The following ADAM9 variants were observed in gnomAD, a reference collection of about 807,000 sequenced individuals.
The protein encoded by ADAM9 is disintegrin and metalloproteinase domain-containing protein 9.
Under a neutral mutation model 108.1 loss-of-function variants are expected in ADAM9, and 54 were observed. The ratio of observed to expected loss-of-function variants is 0.50; its 90% CI spans 0.40 to 0.63. The LOEUF (loss-of-function observed/expected upper bound fraction) is 0.63. Ranked by LOEUF, ADAM9 falls within the 20% of genes least tolerant of loss-of-function variation. The pLI is 0.00. For synonymous variants in ADAM9, 316 were observed against 336.0 expected (o/e 0.94, Z 0.65); for missense variants, 830 against 997.7 (o/e 0.83, Z 2.26).
At chr8:39,007,841 G>A (rs1836213035) in intron 1 of ADAM9, 45 bp from the exon 2 acceptor site, 1 of 1,353,296 alleles carries the variant, frequency 7.4e-7, no homozygotes, top group Admixed American at 1.7e-5. Context: ...TTCCCACGTA[G>A]TTTTTCAGTT....
intron 11 of ADAM9, among the ~76,000 whole-genome samples, chr8:39,029,131 G>GTTTTTT (rs35682054): frequency 7.0e-6 from 1 of 142,572 alleles, no homozygotes. Flanking sequence ...TGTTGTTGTT[G>GTTTTTT]TTTTTTTTTT....
chr8:39,024,677 C>T (rs1836862975), intron 9 of ADAM9, among the ~76,000 whole-genome samples: 1 of 152,130 alleles, frequency 6.6e-6, no homozygotes, highest in African/African-American at 2.4e-5. Context: ...TGGGTGTATA[C>T]CCCAGACACT....
intron 20 of ADAM9, among the ~76,000 whole-genome samples, chr8:39,094,147 C>A (rs1839432643): frequency 6.6e-6 from 1 of 152,122 alleles, no homozygotes; most frequent in South Asian, 2.1e-4. Context: ...AATGCTTTTC[C>A]CTCATTTCTT....
intron 20 of ADAM9, among the ~76,000 whole-genome samples, chr8:39,096,334 T>TTAAAAAAA (rs1839505348): frequency 3.3e-5 from 5 of 151,912 alleles, no homozygotes; most frequent in East Asian, 1.9e-4. Context: ...GCATATTCTA[T>TTAAAAAAA]AGCACATATA....
intron 9 of ADAM9, among the ~76,000 whole-genome samples, chr8:39,024,228 C>A (rs1362507025): frequency 6.6e-6 from 1 of 152,160 alleles, no homozygotes; most frequent in Non-Finnish European, 1.5e-5. Context: ...CTGAATTTTC[C>A]TGATGATGTG....
chr8:39,019,466 A>G (rs1043982495), intron 7 of ADAM9, among the ~76,000 whole-genome samples: 4 of 152,216 alleles, frequency 2.6e-5, no homozygotes, highest in African/African-American at 9.6e-5. Context: ...AAGAGAAGTA[A>G]TGTGTCCCTA....
At chr8:39,011,511 T>C in intron 2 of ADAM9, 147 bp from the exon 3 acceptor site, 1 of 685,438 alleles carries the variant, frequency 1.5e-6, no homozygotes, top group Non-Finnish European at 2.5e-6. Flanking sequence ...TATTTAAGAA[T>C]AGACACAAAG....
At position 39,077,499 on chromosome 8, in the gene ADAM9, G is replaced by A. The variant is rs1268251215; in HGVS notation, c.1881+88G>A. 7.4e-6 allele frequency: 9 copies of A among 1,223,844 alleles called. No individual in the cohort carries two copies. The East Asian group carries it at 2.3e-4, about 32-fold the overall frequency. 75.8% of individuals were successfully genotyped at this position (1,223,844 alleles called of 1,614,324 possible). A position where few individuals can be genotyped will look rare whatever the true frequency, so the allele number is the denominator to read the frequency against. On this transcript the variant is annotated intron_variant, in intron 16 of 21. Coordinates refer to ENST00000487273, the MANE Select transcript of ADAM9 (RefSeq NM_003816.3). Reference sequence around the variant, plus strand: ...AGTAAGTGGTTGCTCTTTTCTGATTGTAAAAGTAATCTAAATTCATTATAG... The same window carrying A: ...AGTAAGTGGTTGCTCTTTTCTGATTATAAAAGTAATCTAAATTCATTATAG...
intron 1 of ADAM9, among the ~76,000 whole-genome samples, chr8:39,005,578 C>A (rs973830737): frequency 6.6e-6 from 1 of 152,188 alleles, no homozygotes. Context: ...TAACATTAGC[C>A]ATCCCTCTTG....
chr8:39,097,698 C>T (rs1839555592), intron 20 of ADAM9, among the ~76,000 whole-genome samples: 1 of 152,084 alleles, frequency 6.6e-6, no homozygotes, highest in Non-Finnish European at 1.5e-5. Flanking sequence ...TTTGTGAGGC[C>T]ATACACCAAT....
intron 11 of ADAM9, among the ~76,000 whole-genome samples, chr8:39,039,507 T>C (rs1485111091): frequency 1.3e-5 from 2 of 152,222 alleles, no homozygotes; most frequent in African/African-American, 4.8e-5. Flanking sequence ...CTAGACTTGT[T>C]TGTCTTACAT....
chr8:39,054,781 A>G (rs1838066327), intron 13 of ADAM9, among the ~76,000 whole-genome samples: 1 of 151,906 alleles, frequency 6.6e-6, no homozygotes, highest in Non-Finnish European at 1.5e-5. Context: ...AAGTAGAAAC[A>G]TTTTTTTTCT....
At chr8:39,033,170 TGG>T (rs751552655) in intron 11 of ADAM9, among the ~76,000 whole-genome samples, 2 of 152,248 alleles carry the variant, frequency 1.3e-5, no homozygotes, top group Admixed American at 6.5e-5. Context: ...CTCTCATTTT[TGG>T]GGGTCCTAAT....
chr8:39,014,036 A>G lies in ADAM9; in HGVS notation c.326A>G (p.Asn109Ser), dbSNP rs550158378. The G allele has an allele frequency of 3.7e-5, 59 of 1,611,716 alleles. 1 individual carries two copies. In the East Asian group the frequency reaches 7.1e-4, roughly 19 times the overall value. Residue 109 changes from asparagine (N) to serine (S), a missense_variant, in exon 4 of 22, where the codon AAT becomes AGT. Transcript: ENST00000487273. ...GGGACTTTAATCACTGACCATCCCA[A>G]TATACAGGTAATGTATTTTTCTCTT... ...KEGTLITDHPNIQNHCHYRGY... is the reference protein window; with the variant it reads ...KEGTLITDHPSIQNHCHYRGY...
At chr8:39,038,488 T>C (rs1306188150) in intron 11 of ADAM9, among the ~76,000 whole-genome samples, 1 of 152,140 alleles carries the variant, frequency 6.6e-6, no homozygotes, top group Non-Finnish European at 1.5e-5. Context: ...AAGCATCCCT[T>C]CCTCTGCAGA....
intron 20 of ADAM9, 41 bp downstream of exon 20, chr8:39,091,387 A>G (rs765031969): frequency 6.5e-7 from 1 of 1,538,398 alleles, no homozygotes; most frequent in South Asian, 1.1e-5. Context: ...TACTGTATTA[A>G]AGGATCAAAT....
At chr8:38,998,808 A>G (rs1347311876) in intron 1 of ADAM9, among the ~76,000 whole-genome samples, 2 of 152,124 alleles carry the variant, frequency 1.3e-5, no homozygotes, top group Non-Finnish European at 2.9e-5. Context: ...GGAAATGATA[A>G]AAATGTCAAT....
rs1564297191 is a variant in ADAM9, at chr8:39,045,096, G to GCA, written c.1302+2979_1302+2980insCA. Among the ~76,000 whole-genome samples the GCA allele has an allele frequency of 5.8e-4, 9 of 15,458 alleles. 1 individual carries two copies. The East Asian group carries it at 0.014, about 24-fold the overall frequency. 10.1% of individuals were successfully genotyped at this position (15,458 alleles called of 152,430 possible). On this transcript the variant is annotated intron_variant, in intron 12 of 21. Transcript: ENST00000487273. ...TATGTGTGTGTGCATACATACATAT[G>GCA]TGTGTGTGCATACATACATATGTGT...
intron 12 of ADAM9, among the ~76,000 whole-genome samples, chr8:39,052,749 T>G (rs1837998456): frequency 6.6e-6 from 1 of 152,172 alleles, no homozygotes; most frequent in South Asian, 2.1e-4. Context: ...GATTCCCTAT[T>G]CTTTCATGAA....
Sources: allele counts gnomAD v4.1 joint callset (sites outside exome capture counted in the v4.1 genomes callset), GRCh38; gene constraint gnomAD v4.1.1; transcripts MANE v1.5; gene names NCBI Gene and HGNC (gene_info 2026-07-23, HGNC 2026-07-21).